Variants in NPAS3 observed in about 807,000 individuals in gnomAD.
The protein encoded by NPAS3 is neuronal PAS domain protein 3.
NPAS3 carries 14 observed loss-of-function variants against 73.1 expected under a neutral mutation model. The ratio of observed to expected loss-of-function variants is 0.19; its 90% CI spans 0.13 to 0.30. The LOEUF (loss-of-function observed/expected upper bound fraction) is 0.30, where lower values mean the gene tolerates loss of function less well. Ranked by LOEUF, NPAS3 falls within the 10% of genes least tolerant of loss-of-function variation. The pLI is 1.00. For missense variants in NPAS3, 1,096 were observed against 1,250.0 expected, an observed-to-expected ratio of 0.88 and a Z score of 1.86; for synonymous variants, 620 against 541.5, an observed-to-expected ratio of 1.14 and a Z score of -2.01.
chr14:33,147,730 A>AATATATAT (rs10674790), intron 2 of NPAS3, among the ~76,000 whole-genome samples: 4,005 of 130,144 alleles, frequency 0.031, 83 homozygotes, highest in South Asian at 0.071. Flanking sequence ...TAGAATAAAA[A>AATATATAT]ATATATATAT....
chr14:33,078,017 T>G (rs532318374), intron 2 of NPAS3, among the ~76,000 whole-genome samples: 266 of 152,022 alleles, frequency 1.7e-3, no homozygotes, highest in Non-Finnish European at 3.0e-3. Context: ...CGCATGCCTA[T>G]AGTCCCAGCT....
intron 3 of NPAS3, among the ~76,000 whole-genome samples, chr14:33,348,032 C>A (rs1362266481): frequency 6.6e-6 from 1 of 152,198 alleles, no homozygotes; most frequent in East Asian, 1.9e-4. Flanking sequence ...GAGTTCTTTT[C>A]CTGCAGGGGG....
intron 4 of NPAS3, among the ~76,000 whole-genome samples, chr14:33,480,560 C>CCTCCCTCCCTCCCTCT (rs1566939242): frequency 1.5e-5 from 1 of 65,000 alleles, no homozygotes; most frequent in Non-Finnish European, 2.6e-5. Context: ...TTCCTCCCTC[C>CCTCCCTCCCTCCCTCT]CTCCCTCCCT....
upstream of NPAS3, among the ~76,000 whole-genome samples, chr14:32,937,876 C>T (rs1465790074): frequency 6.6e-6 from 1 of 152,118 alleles, no homozygotes; most frequent in African/African-American, 2.4e-5. Context: ...CCACACGCTT[C>T]TGATTGGTTT....
chr14:33,416,210 A>C (rs966418385), intron 4 of NPAS3, among the ~76,000 whole-genome samples: 1 of 152,224 alleles, frequency 6.6e-6, no homozygotes, highest in East Asian at 1.9e-4. Context: ...TTGAACATAA[A>C]GGATAAATTC....
At chr14:33,571,012 G>C (rs1471146790) in intron 5 of NPAS3, among the ~76,000 whole-genome samples, 2 of 152,176 alleles carry the variant, frequency 1.3e-5, no homozygotes, top group African/African-American at 4.8e-5. Flanking sequence ...CCAAGTACGA[G>C]TATTTCTAAA....
At chr14:33,756,719 T>G (rs2062126706) in intron 7 of NPAS3, among the ~76,000 whole-genome samples, 1 of 152,214 alleles carries the variant, frequency 6.6e-6, no homozygotes, top group South Asian at 2.1e-4. Flanking sequence ...TAGATAGATG[T>G]AGCATCTAAG....
intron 5 of NPAS3, among the ~76,000 whole-genome samples, chr14:33,620,939 C>T (rs2058059901): frequency 6.6e-6 from 1 of 152,090 alleles, no homozygotes; most frequent in African/African-American, 2.4e-5. Context: ...TGTCATCTAA[C>T]TTAAGTCTGG....
intron 6 of NPAS3, among the ~76,000 whole-genome samples, chr14:33,733,807 T>C (rs1447774722): frequency 2.0e-5 from 3 of 151,946 alleles, no homozygotes; most frequent in Admixed American, 6.6e-5. Flanking sequence ...GAGAGACACA[T>C]AAGAAAGGGA....
Position 33,705,670 on chromosome 14 carries a change from T to C in NPAS3, c.733+29285T>C, listed in dbSNP as rs544507308. ...CTTAGATACAAGCCACTGTGGCAAA[T>C]AGGAAACTTTGTCAATATGTATCCA... On this transcript the variant is annotated intron_variant, in intron 6 of 11. Transcript: ENST00000356141. Among the ~76,000 whole-genome samples, 24 of 152,232 alleles carry C rather than the reference T, an allele frequency of 1.6e-4. 1 individual carries two copies. The South Asian group carries it at 5.0e-3, about 32-fold the overall frequency.
chr14:33,447,429 G>A (rs2049568644), intron 4 of NPAS3, among the ~76,000 whole-genome samples: 1 of 152,132 alleles, frequency 6.6e-6, no homozygotes, highest in Non-Finnish European at 1.5e-5. Context: ...AAGAGTGCCG[G>A]CATAACATGA....
At chr14:33,600,075 C>T (rs1296800923) in intron 5 of NPAS3, among the ~76,000 whole-genome samples, 1 of 152,132 alleles carries the variant, frequency 6.6e-6, no homozygotes, top group Admixed American at 6.5e-5. Context: ...GTAATAACTC[C>T]TTCTGGATTT....
chr14:33,385,245 G>T lies in NPAS3; in HGVS notation c.468+17977G>T, dbSNP rs149517841. On this transcript the variant is annotated intron_variant, in intron 4 of 11. Transcript: ENST00000356141. The stretch of plus-strand genomic sequence containing the variant: ...ATGACCACCCTTCTTTGCCTTTTTG[G>T]GGGGTAGGTGCCTTTGTTCACACAG... Among the ~76,000 whole-genome samples the T allele has an allele frequency of 1.6e-3, 245 of 151,738 alleles. 1 individual carries two copies. The highest frequency in any genetic ancestry group is 5.6e-3 in the African/African-American group (230 of 41,346).
intron 6 of NPAS3, among the ~76,000 whole-genome samples, chr14:33,729,315 G>A (rs537502114): frequency 1.1e-4 from 17 of 152,224 alleles, no homozygotes; most frequent in Admixed American, 3.3e-4. Context: ...GAACATGATC[G>A]TCACGTATCC....
intron 6 of NPAS3, among the ~76,000 whole-genome samples, chr14:33,681,508 A>T (rs1485420110): frequency 6.6e-6 from 1 of 152,192 alleles, no homozygotes; most frequent in Non-Finnish European, 1.5e-5. Context: ...GCTGTTAATA[A>T]TGTCACTCCA....
chr14:33,160,650 AAAAAG>A (rs1346290528), intron 2 of NPAS3, among the ~76,000 whole-genome samples: 9 of 152,002 alleles, frequency 5.9e-5, no homozygotes, highest in East Asian at 1.9e-4. Context: ...TTAAAAAAAA[AAAAAG>A]AAAAGTCTGT....
upstream of NPAS3, chr14:32,935,062 T>C: frequency 9.7e-7 from 1 of 1,035,142 alleles, no homozygotes; most frequent in Non-Finnish European, 1.2e-6. Context: ...GGGGTGGGAC[T>C]CACTTTGCCT....
intron 4 of NPAS3, among the ~76,000 whole-genome samples, chr14:33,408,423 G>A (rs1052410163): frequency 2.6e-5 from 4 of 152,018 alleles, no homozygotes; most frequent in Non-Finnish European, 1.5e-5. Context: ...ACATGGAAAA[G>A]GGGAAAATAA....
chr14:33,349,038 C>A (rs1398799809), intron 3 of NPAS3, among the ~76,000 whole-genome samples: 1 of 152,106 alleles, frequency 6.6e-6, no homozygotes, highest in Non-Finnish European at 1.5e-5. Context: ...CTGGAGGAAC[C>A]AAACGAGTAC....
Sources: gnomAD v4.1 joint callset for allele counts (sites outside exome capture counted in the v4.1 genomes callset) on GRCh38, gnomAD v4.1.1 for gene constraint, MANE v1.5 for transcripts, NCBI Gene and HGNC (gene_info 2026-07-23, HGNC 2026-07-21) for gene names.